Variants in PRDM2 observed in about 807,000 individuals in gnomAD.
PRDM2 encodes PR domain zinc finger protein 2.
A neutral mutation model predicts 130.0 loss-of-function variants in PRDM2; 30 were observed. The observed-to-expected ratio is 0.23, with a 90% confidence interval of 0.17 to 0.31. The LOEUF (loss-of-function observed/expected upper bound fraction) is 0.31, where lower values mean the gene tolerates loss of function less well. Among genes scored for constraint, PRDM2 ranks in the 10% least tolerant of loss-of-function variants. The probability of loss-of-function intolerance (pLI) is 1.00; values close to 1 mark genes in which losing one functional copy is unlikely to be tolerated. For missense variants in PRDM2, 2,011 were observed against 2,108.4 expected, an observed-to-expected ratio of 0.95 and a Z score of 0.90; for synonymous variants, 871 against 782.4, an observed-to-expected ratio of 1.11 and a Z score of -1.89.
intron 9 of PRDM2, among the ~76,000 whole-genome samples, chr1:13,817,036 T>C (rs1030658955): frequency 6.6e-6 from 1 of 152,144 alleles, no homozygotes; most frequent in Non-Finnish European, 1.5e-5. Flanking sequence ...GATGACCGAG[T>C]TCCTATTCTC....
chr1:13,787,492 A>G (rs1196334904), intron 8 of PRDM2: 1 of 985,042 alleles, frequency 1.0e-6, no homozygotes, highest in Non-Finnish European at 1.2e-6. Context: ...CTTCAAAAGT[A>G]ATCTACCTCT....
At chr1:13,770,769 C>T (rs1214687516) in intron 6 of PRDM2, among the ~76,000 whole-genome samples, 2 of 152,132 alleles carry the variant, frequency 1.3e-5, no homozygotes, top group Non-Finnish European at 2.9e-5. Context: ...ATAAAAATGT[C>T]ATTGTTTGGG....
rs527501039 is a variant in PRDM2, at chr1:13,811,409, C to T, written c.5037-5018C>T. Among the ~76,000 whole-genome samples the T allele has an allele frequency of 5.3e-5, 8 of 152,264 alleles. No homozygotes were observed. In the East Asian group the frequency reaches 1.4e-3, roughly 26 times the overall value. The stretch of plus-strand genomic sequence containing the variant: ...GCCCCCTGCTGGCTGATGGGGCATC[C>T]CCTTGTAACTGGAGGCAGTGCTGGG... On this transcript the variant is annotated intron_variant, in intron 8 of 9. Transcript: ENST00000311066.
intron 6 of PRDM2, among the ~76,000 whole-genome samples, chr1:13,760,278 C>G (rs1362569378): frequency 1.3e-5 from 2 of 152,012 alleles, no homozygotes; most frequent in African/African-American, 4.8e-5. Context: ...ACTTTGTTTT[C>G]ATAGCAAATG....
At chr1:13,729,392 G>A (rs1643027826) in intron 2 of PRDM2, among the ~76,000 whole-genome samples, 1 of 152,128 alleles carries the variant, frequency 6.6e-6, no homozygotes. Context: ...AATGGCCAGT[G>A]CTGATAGGAC....
At chr1:13,707,177 G>A (rs1642234719) in intron 1 of PRDM2, among the ~76,000 whole-genome samples, 1 of 152,108 alleles carries the variant, frequency 6.6e-6, no homozygotes, top group South Asian at 2.1e-4. Context: ...AAAGAGCTTC[G>A]AGCAGCTCCT....
Position 13,823,266 on chromosome 1 carries a change from T to A in PRDM2, c.*131T>A. The A allele has an allele frequency of 6.8e-7, 1 of 1,465,592 alleles. No individual in the cohort carries two copies. Among genetic ancestry groups the A allele is most frequent in the Non-Finnish European group, 9.5e-7 (1 of 1,051,790 alleles). The allele number at this position is 1,465,592 out of a possible 1,614,324, so 90.8% of individuals were successfully genotyped here. ...GAGGCTGCGAGAGAAAGGGAGTGCA[T>A]GTGCGCGCGTGCATGTGTGCGTGCG... On this transcript the variant is annotated 3_prime_UTR_variant, in exon 10 of 10. Coordinates refer to ENST00000311066, the MANE Select transcript of PRDM2 (RefSeq NM_001393986.1).
At chr1:13,778,315 G>A (rs1644524874) in intron 7 of PRDM2, 103 bp from the exon 8 acceptor site, 1 of 1,196,146 alleles carries the variant, frequency 8.4e-7, no homozygotes, top group African/African-American at 1.5e-5. Context: ...TCTCCCTTAT[G>A]TTTTAGGTGG....
At chr1:13,741,904 T>G (rs1385770894) in intron 4 of PRDM2, 101 bp from the exon 5 acceptor site, 1 of 917,648 alleles carries the variant, frequency 1.1e-6, no homozygotes, top group Non-Finnish European at 1.7e-6. Flanking sequence ...ATAGAGTACT[T>G]GCATATAATG....
intron 4 of PRDM2, among the ~76,000 whole-genome samples, chr1:13,736,115 T>C (rs930556130): frequency 7.4e-6 from 1 of 135,886 alleles, no homozygotes; most frequent in Admixed American, 7.2e-5. Flanking sequence ...GTTTCTTTTC[T>C]TTTTTTTTTT....
intron 8 of PRDM2, among the ~76,000 whole-genome samples, chr1:13,790,670 T>C (rs982516186): frequency 1.3e-5 from 2 of 152,190 alleles, no homozygotes; most frequent in African/African-American, 4.8e-5. Context: ...GAACATCTAA[T>C]GTCAAAATAG....
chr1:13,776,953 C>T lies in PRDM2; in HGVS notation c.623-1465C>T, dbSNP rs146961973. On this transcript the variant is annotated intron_variant, in intron 7 of 9. Coordinates refer to ENST00000311066, the MANE Select transcript of PRDM2 (RefSeq NM_001393986.1). The stretch of plus-strand genomic sequence containing the variant: ...TAGGACTTTGAAATTTCTAGGCCAG[C>T]CTCTTTGTTGAATTCCAGATTCATA... Among the ~76,000 whole-genome samples the T allele has an allele frequency of 5.1e-3, 784 of 152,260 alleles. 6 individuals carry two copies. The highest frequency in any genetic ancestry group is 0.018 in the African/African-American group (750 of 41,528).
At chr1:13,788,122 G>A (rs1644778288) in intron 8 of PRDM2, 1 of 949,550 alleles carries the variant, frequency 1.1e-6, no homozygotes, top group Non-Finnish European at 1.3e-6. Context: ...GGAGCAGTTA[G>A]GGGGTAAAAC....
chr1:13,702,570 C>T (rs763632655), intron 1 of PRDM2, among the ~76,000 whole-genome samples: 2 of 152,156 alleles, frequency 1.3e-5, no homozygotes, highest in Non-Finnish European at 2.9e-5. Context: ...TTGGCTGTGG[C>T]TGTGCAGTTA....
At chr1:13,727,253 A>G (rs559764826) in intron 2 of PRDM2, among the ~76,000 whole-genome samples, 108 of 147,906 alleles carry the variant, frequency 7.3e-4, no homozygotes, top group African/African-American at 2.5e-3. Flanking sequence ...CTCCATCCCT[A>G]CTCCATGACT....
Position 13,788,170 on chromosome 1 carries a change from A to G in PRDM2, c.5036+5339A>G, listed in dbSNP as rs972308897. ...GAGGATTGTTCAGAGCCCGCACTCT[A>G]ATTTAAAAGTGCGGCGTCTACTCAG... On this transcript the variant is annotated intron_variant, in intron 8 of 9. Transcript: ENST00000311066. 2.5e-5 allele frequency: 22 copies of G among 888,482 alleles called. No individual in the cohort carries two copies. In the African/African-American group the frequency reaches 3.5e-4, roughly 14 times the overall value. 55.0% of individuals were successfully genotyped at this position (888,482 alleles called of 1,614,324 possible).
chr1:13,739,257 C>T (rs184108680), intron 4 of PRDM2, among the ~76,000 whole-genome samples: 76 of 152,186 alleles, frequency 5.0e-4, no homozygotes, highest in Non-Finnish European at 7.4e-4. Flanking sequence ...CCGTGTTAGC[C>T]AGGATGGTCT....
chr1:13,740,187 C>T (rs1015675977), intron 4 of PRDM2, among the ~76,000 whole-genome samples: 1 of 152,170 alleles, frequency 6.6e-6, no homozygotes, highest in Non-Finnish European at 1.5e-5. Flanking sequence ...GACCTGAGAG[C>T]CAGGAAGTTG....
chr1:13,754,581 A>G (rs2100557663), intron 6 of PRDM2, among the ~76,000 whole-genome samples: 2 of 152,358 alleles, frequency 1.3e-5, no homozygotes, highest in Middle Eastern at 6.8e-3. Flanking sequence ...TTCCATTTAA[A>G]GTTGAACTTA....
Sources: allele counts gnomAD v4.1 joint callset (sites outside exome capture counted in the v4.1 genomes callset), GRCh38; gene constraint gnomAD v4.1.1; transcripts MANE v1.5; gene names NCBI Gene and HGNC (gene_info 2026-07-23, HGNC 2026-07-21).